The following TLN2 variants were observed in gnomAD, a reference collection of about 807,000 sequenced individuals.
TLN2 encodes the protein talin-2.
A neutral mutation model predicts 294.7 loss-of-function variants in TLN2; 118 were observed. That is an observed-to-expected ratio of 0.40 (90% CI 0.34 to 0.47). The LOEUF is 0.47. Ranked by LOEUF, TLN2 falls within the 20% of genes least tolerant of loss-of-function variation. TLN2 has a pLI of 0.84. For synonymous variants in TLN2, 1,431 were observed against 1,304.5 expected, an observed-to-expected ratio of 1.10 and a Z score of -2.09; for missense variants, 3,083 against 3,282.2, an observed-to-expected ratio of 0.94 and a Z score of 1.48.
At chr15:62,747,686 C>T (rs1027311455) in intron 32 of TLN2, among the ~76,000 whole-genome samples, 6 of 152,164 alleles carry the variant, frequency 3.9e-5, no homozygotes, top group African/African-American at 1.4e-4. Flanking sequence ...AGGTTAGGGG[C>T]ACCGACCCCT....
chr15:62,629,112 G>A (rs960991987), intron 3 of TLN2, among the ~76,000 whole-genome samples: 7 of 152,166 alleles, frequency 4.6e-5, no homozygotes, highest in African/African-American at 1.7e-4. Flanking sequence ...TGGGAGGATT[G>A]CTTGAGCCCA....
At chr15:62,836,792 G>A (rs559349173) in intron 57 of TLN2, among the ~76,000 whole-genome samples, 1 of 152,246 alleles carries the variant, frequency 6.6e-6, no homozygotes, top group East Asian at 1.9e-4. Context: ...CGTTATCATT[G>A]CTTTCTGTTC....
intron 3 of TLN2, among the ~76,000 whole-genome samples, chr15:62,643,405 ATTTTTTTTTTTTTTTTT>A (rs571288380): frequency 3.3e-5 from 3 of 90,750 alleles, no homozygotes; most frequent in South Asian, 3.8e-4. Context: ...TGGTTCCAGG[ATTTTTTTTTTTTTTTTT>A]TTTTTTTTTT....
At chr15:62,610,818 G>T (rs527634583) in intron 2 of TLN2, among the ~76,000 whole-genome samples, 1 of 152,280 alleles carries the variant, frequency 6.6e-6, no homozygotes, top group South Asian at 2.1e-4. Flanking sequence ...GCAAATACAG[G>T]CTCTACAAAT....
intron 1 of TLN2, among the ~76,000 whole-genome samples, chr15:62,540,294 C>A (rs543765309): frequency 5.3e-5 from 8 of 151,910 alleles, no homozygotes; most frequent in African/African-American, 1.7e-4. Flanking sequence ...GAGCCAAGAT[C>A]GCACCACTGC....
intron 3 of TLN2, among the ~76,000 whole-genome samples, chr15:62,643,769 C>T (rs542028301): frequency 6.6e-6 from 1 of 152,098 alleles, no homozygotes; most frequent in African/African-American, 2.4e-5. Flanking sequence ...TGAGCCTGCA[C>T]CTCAGACTCT....
intron 12 of TLN2, chr15:62,687,909 A>C (rs1389280380): frequency 2.6e-5 from 4 of 152,232 alleles, no homozygotes; most frequent in Non-Finnish European, 4.4e-5. Flanking sequence ...CTTCCATTGC[A>C]GGAAGTCATG....
intron 1 of TLN2, among the ~76,000 whole-genome samples, chr15:62,439,317 AGTT>A (rs1411572936): frequency 6.6e-6 from 1 of 152,000 alleles, no homozygotes; most frequent in Non-Finnish European, 1.5e-5. Context: ...TATCTGAGCC[AGTT>A]GTTTTTTTTT....
At chr15:62,748,148 A>C (rs1043865721) in intron 32 of TLN2, among the ~76,000 whole-genome samples, 4 of 152,092 alleles carry the variant, frequency 2.6e-5, no homozygotes, top group African/African-American at 9.7e-5. Context: ...CAAATGAATA[A>C]TCAGAGGCGA....
At chr15:62,605,499 G>A (rs2047356648) in intron 2 of TLN2, among the ~76,000 whole-genome samples, 1 of 152,172 alleles carries the variant, frequency 6.6e-6, no homozygotes, top group Admixed American at 6.5e-5. Flanking sequence ...GGGAGGAACA[G>A]GCTCTGGGCT....
intron 1 of TLN2, among the ~76,000 whole-genome samples, chr15:62,398,225 A>G (rs1159346368): frequency 1.3e-5 from 2 of 152,154 alleles, no homozygotes; most frequent in Non-Finnish European, 2.9e-5. Context: ...TGATGGTTTC[A>G]TAAGGGCCTT....
At chr15:62,688,561 TTTG>T (rs778267703) in intron 12 of TLN2, among the ~76,000 whole-genome samples, 11 of 152,296 alleles carry the variant, frequency 7.2e-5, no homozygotes, top group Non-Finnish European at 1.0e-4. Context: ...AATGAATATC[TTTG>T]TTAATTTTCT....
chr15:62,536,677 A>G (rs2041370150), intron 1 of TLN2, among the ~76,000 whole-genome samples: 1 of 152,140 alleles, frequency 6.6e-6, no homozygotes, highest in African/African-American at 2.4e-5. Context: ...GAAGGAAGAG[A>G]TGGATGCCCT....
chr15:62,797,375 C>A lies in TLN2; in HGVS notation c.6207C>A (p.Ser2069Arg), dbSNP rs766751807. Residue 2069 changes from serine (S) to arginine (R), a missense_variant, in exon 48 of 59, where the codon AGC becomes AGA. By Grantham distance (110) the Ser-to-Arg change is moderately radical. Transcript: ENST00000636159. ...AAGTGGTCAAGCTGGGGGCAGCCAG[C>A]CTGGGCTCCGACGACCCCGAGACCC... is the stretch of plus-strand genomic sequence containing the variant. ...LAEVVKLGAA[S>R]LGSDDPETQV... The A allele has an allele frequency of 6.2e-7, 1 of 1,606,688 alleles. No homozygotes were observed. The highest frequency in any genetic ancestry group is 8.5e-7 in the Non-Finnish European group (1 of 1,176,714).
chr15:62,790,956 G>T lies in TLN2; in HGVS notation c.5737-1685G>T, dbSNP rs907614033. On this transcript the variant is annotated intron_variant, in intron 45 of 58. Transcript: ENST00000636159. ...TATTCTGCATGGAGGTAGTCAACAA[G>T]ACAGCCCTGCTTAATTATGAAATGT... 3.5e-4 allele frequency among the ~76,000 whole-genome samples: 54 copies of T among 152,340 alleles called. 1 individual carries two copies. The highest frequency in any genetic ancestry group is 1.1e-3 in the African/African-American group (46 of 41,574).
chr15:62,833,331 A>G (rs1042977845), intron 54 of TLN2, 173 bp from the exon 55 acceptor site: 34 of 994,874 alleles, frequency 3.4e-5, no homozygotes, highest in Non-Finnish European at 3.6e-5. Flanking sequence ...GAAAGTTTGC[A>G]CAGGGGACCT....
rs1260946691 is a variant in TLN2 at position 62,675,335 on chromosome 15, A to G, written c.957+14A>G. ...TTCCTGGTGAAGGTGAGTTGGGCAG[A>G]ATGGGGAGAGTGTTCACCTTGGCCC... On this transcript the variant is annotated intron_variant, in intron 11 of 58. Coordinates refer to ENST00000636159, the MANE Select transcript of TLN2 (RefSeq NM_015059.3). 1.9e-6 allele frequency: 3 copies of G among 1,613,278 alleles called. No individual in the cohort carries two copies. The highest frequency in any genetic ancestry group is 1.7e-6 in the Non-Finnish European group (2 of 1,179,360).
At chr15:62,793,841 A>G (rs1452147751) in intron 46 of TLN2, among the ~76,000 whole-genome samples, 1 of 110,422 alleles carries the variant, frequency 9.1e-6, no homozygotes, top group African/African-American at 2.6e-5. Context: ...ACTTGGCAAC[A>G]GACTTGAGGG....
At chr15:62,606,921 G>A (rs941390790) in intron 2 of TLN2, among the ~76,000 whole-genome samples, 1 of 152,220 alleles carries the variant, frequency 6.6e-6, no homozygotes, top group African/African-American at 2.4e-5. Flanking sequence ...AGTGCTCCAC[G>A]GTGGGCCACT....
Sources: allele counts gnomAD v4.1 joint callset (sites outside exome capture counted in the v4.1 genomes callset), GRCh38; gene constraint gnomAD v4.1.1; transcripts MANE v1.5; gene names NCBI Gene and HGNC (gene_info 2026-07-23, HGNC 2026-07-21).